The following KLF8 variants were observed in gnomAD, a reference collection of about 807,000 sequenced individuals.
KLF8 encodes the protein KLF transcription factor 8.
KLF8 carries 10 observed loss-of-function variants against 18.2 expected under a neutral mutation model. The ratio of observed to expected loss-of-function variants is 0.55; its 90% CI spans 0.34 to 0.93. The LOEUF (loss-of-function observed/expected upper bound fraction) is 0.93. Ranked by LOEUF, KLF8 falls within the 40% of genes least tolerant of loss-of-function variation. KLF8 has a pLI of 0.02. For synonymous variants in KLF8, 109 were observed against 97.3 expected (o/e 1.12, Z -0.71); for missense variants, 264 against 277.9 (o/e 0.95, Z 0.36).
chrX:56,027,589 C>T, the KLF8 span, among the ~76,000 whole-genome samples: 1 of 112,246 alleles, frequency 8.9e-6, no homozygotes, highest in Non-Finnish European at 1.9e-5. Context: ...GCTGAAGTGC[C>T]CTGAGGCAAT....
chrX:55,929,352 G>A, the KLF8 span, among the ~76,000 whole-genome samples: 6 of 112,225 alleles, frequency 5.3e-5, no homozygotes, highest in East Asian at 1.7e-3. Flanking sequence ...CTTTTGCTGT[G>A]TAGAAGCTCT....
At chrX:56,045,111 G>T in the KLF8 span, among the ~76,000 whole-genome samples, 2 of 111,606 alleles carry the variant, frequency 1.8e-5, no homozygotes, top group South Asian at 3.7e-4. Flanking sequence ...GTTCATCTAC[G>T]TATGGCTTGC....
chrX:56,090,705 T>A, the KLF8 span, among the ~76,000 whole-genome samples: 8 of 111,611 alleles, frequency 7.2e-5, no homozygotes, highest in African/African-American at 2.6e-4. Context: ...ATTACGTGGA[T>A]ATATTACATA....
At chrX:55,965,780 T>A in the KLF8 span, among the ~76,000 whole-genome samples, 1 of 112,131 alleles carries the variant, frequency 8.9e-6, no homozygotes, top group Non-Finnish European at 1.9e-5. Context: ...TCAATCGCAT[T>A]CACAATACCC....
the KLF8 span, among the ~76,000 whole-genome samples, chrX:56,195,970 T>G: frequency 9.0e-6 from 1 of 111,357 alleles, no homozygotes; most frequent in Non-Finnish European, 1.9e-5. Context: ...GAATTACATA[T>G]CCAGGCAAAC....
At chrX:55,997,784 G>A in the KLF8 span, among the ~76,000 whole-genome samples, 3 of 111,806 alleles carry the variant, frequency 2.7e-5, no homozygotes, top group African/African-American at 6.5e-5. Context: ...GGGGTGGGTT[G>A]CCCCTCCACA....
the KLF8 span, among the ~76,000 whole-genome samples, chrX:56,082,162 C>T: frequency 1.8e-5 from 2 of 111,662 alleles, no homozygotes; most frequent in African/African-American, 3.2e-5. Context: ...TTTGCCATTT[C>T]GTCGTGATCT....
chrX:56,020,116 C>T, the KLF8 span, among the ~76,000 whole-genome samples: 2 of 111,576 alleles, frequency 1.8e-5, no homozygotes, highest in East Asian at 5.6e-4. Context: ...TTATTATATC[C>T]CTTATTCTAG....
chrX:56,081,577 T>C, the KLF8 span, among the ~76,000 whole-genome samples: 2 of 112,242 alleles, frequency 1.8e-5, no homozygotes, highest in Non-Finnish European at 3.8e-5. Flanking sequence ...GGGAAACTTT[T>C]GTCTTTCACT....
chrX:56,116,856 C>T, the KLF8 span, among the ~76,000 whole-genome samples: 2 of 109,855 alleles, frequency 1.8e-5, no homozygotes, highest in African/African-American at 6.6e-5. Context: ...AAATGTTCTG[C>T]CTTTAAAATA....
the KLF8 span, among the ~76,000 whole-genome samples, chrX:55,995,294 C>T: frequency 7.2e-4 from 81 of 112,436 alleles, 2 homozygotes; most frequent in East Asian, 0.021. Flanking sequence ...GCATGTTAGA[C>T]GAGTTCCTTG....
chrX:56,088,806 G>A, the KLF8 span, among the ~76,000 whole-genome samples: 1 of 111,019 alleles, frequency 9.0e-6, no homozygotes, highest in Non-Finnish European at 1.9e-5. Context: ...TTTGGGTCAG[G>A]AAAACTAGTT....
At chrX:56,010,354 G>A in the KLF8 span, among the ~76,000 whole-genome samples, 1 of 108,432 alleles carries the variant, frequency 9.2e-6, no homozygotes, top group South Asian at 3.7e-4. Flanking sequence ...TTCATATTCA[G>A]TCAAACTAAG....
chrX:56,269,501 T>G lies in KLF8; in HGVS notation c.758+12T>G, dbSNP rs759414132. Reference sequence around the variant, plus strand: ...GGACTACAGCAAGAGTGAGTACTTTTTGTCTTCAAGTCTGTCTTTGTGTAT... The same window carrying G: ...GGACTACAGCAAGAGTGAGTACTTTGTGTCTTCAAGTCTGTCTTTGTGTAT... On this transcript the variant is annotated intron_variant, in intron 4 of 5. Transcript: ENST00000468660. 2 of 1,172,826 alleles carry G rather than the reference T, an allele frequency of 1.7e-6. No individual in the cohort carries two copies. Among genetic ancestry groups the G allele is most frequent in the Non-Finnish European group, 2.3e-6 (2 of 878,577 alleles).
At chrX:56,091,349 C>T in the KLF8 span, among the ~76,000 whole-genome samples, 1 of 110,842 alleles carries the variant, frequency 9.0e-6, no homozygotes, top group African/African-American at 3.3e-5. Context: ...TTTTAAGTTT[C>T]CTGAGGCCTC....
chrX:56,081,390 CT>C, the KLF8 span, among the ~76,000 whole-genome samples: 1 of 111,779 alleles, frequency 8.9e-6, no homozygotes, highest in Non-Finnish European at 1.9e-5. Context: ...TTATGTGGAT[CT>C]CTTGCGATGT....
the KLF8 span, among the ~76,000 whole-genome samples, chrX:56,120,536 T>G: frequency 7.2e-5 from 8 of 111,530 alleles, no homozygotes; most frequent in Non-Finnish European, 1.9e-5. Flanking sequence ...GTCCCCAGCC[T>G]GAATGGCTTT....
rs2067309219 is a variant in KLF8 at position 56,290,242 on chromosome X, C to T, written c.*5748C>T. 9.0e-6 allele frequency among the ~76,000 whole-genome samples: 1 copy of T among 111,617 alleles called. No homozygotes were observed. The highest frequency in any genetic ancestry group is 1.9e-5 in the Non-Finnish European group (1 of 53,089). On this transcript the variant is annotated 3_prime_UTR_variant, in exon 6 of 6. Transcript: ENST00000468660. ...TGCAAAATGGGGATCTCAATATCTACCTCACAGGAATGTTGTGAGGCTTCT... is the reference window on the plus strand; with the variant it reads ...TGCAAAATGGGGATCTCAATATCTATCTCACAGGAATGTTGTGAGGCTTCT...
chrX:56,189,473 G>A, the KLF8 span, among the ~76,000 whole-genome samples: 1 of 110,950 alleles, frequency 9.0e-6, no homozygotes, highest in Non-Finnish European at 1.9e-5. Context: ...AATTCCTCAG[G>A]GATCTAGAAC....
Sources: gnomAD v4.1 joint callset for allele counts (sites outside exome capture counted in the v4.1 genomes callset) on GRCh38, gnomAD v4.1.1 for gene constraint, MANE v1.5 for transcripts, NCBI Gene and HGNC (gene_info 2026-07-23, HGNC 2026-07-21) for gene names.